The following PEX3 variants were observed in gnomAD, a reference collection of about 807,000 sequenced individuals.
The protein encoded by PEX3 is peroxin-3.
PEX3 carries 30 observed loss-of-function variants against 55.8 expected under a neutral mutation model. That is an observed-to-expected ratio of 0.54 (90% CI 0.40 to 0.73). The LOEUF is 0.73. Among genes scored for constraint, PEX3 ranks in the 30% least tolerant of loss-of-function variants. PEX3 has a pLI of 0.00. For synonymous variants in PEX3, 135 were observed against 148.4 expected, an observed-to-expected ratio of 0.91 and a Z score of 0.66; for missense variants, 351 against 432.8, an observed-to-expected ratio of 0.81 and a Z score of 1.68.
At position 143,485,114 on chromosome 6, in the gene PEX3, C is replaced by T; in HGVS notation, c.942-38C>T. The T allele has an allele frequency of 9.5e-7, 1 of 1,057,402 alleles. No individual in the cohort carries two copies. The highest frequency in any genetic ancestry group is 1.5e-6 in the Non-Finnish European group (1 of 672,110). 65.5% of individuals were successfully genotyped at this position (1,057,402 alleles called of 1,614,324 possible). On this transcript the variant is annotated intron_variant, in intron 10 of 11. Coordinates refer to ENST00000367591, the MANE Select transcript of PEX3 (RefSeq NM_003630.3). This position sits in a 1 kb window ranked among gnomAD's most constrained non-coding sequence, Gnocchi z 5.6. Reference sequence around the variant, plus strand: ...TTAAGATGTTAAAGTCCTGTGGGGTCATTTCAGAAAATAATCATTACTGTA... The same window carrying T: ...TTAAGATGTTAAAGTCCTGTGGGGTTATTTCAGAAAATAATCATTACTGTA...
rs1780343088 is a variant in PEX3, at chr6:143,488,063, C to T, written c.1039-1080C>T. The stretch of plus-strand genomic sequence containing the variant: ...AAATTCTGGTTTGAGAAACATTGAT[C>T]TAAACCTATGTTTCATTGAACACCT... On this transcript the variant is annotated intron_variant, in intron 11 of 11. Transcript: ENST00000367591. The surrounding 1 kb of genome is among the most constrained non-coding windows in gnomAD (Gnocchi z 4.9). 6.6e-6 allele frequency among the ~76,000 whole-genome samples: 1 copy of T among 152,080 alleles called. No individual in the cohort carries two copies. Among genetic ancestry groups the T allele is most frequent in the South Asian group, 2.1e-4 (1 of 4,828 alleles).
At chr6:143,480,760 C>T (rs1780223821) in intron 10 of PEX3, among the ~76,000 whole-genome samples, 1 of 152,156 alleles carries the variant, frequency 6.6e-6, no homozygotes, top group African/African-American at 2.4e-5. Flanking sequence ...CCTGTAATCC[C>T]AGCACCTTGG....
rs1780307861 is a variant in PEX3, at chr6:143,485,581, A to G, written c.1038+333A>G. 6.6e-6 allele frequency among the ~76,000 whole-genome samples: 1 copy of G among 152,142 alleles called. No individual in the cohort carries two copies. The highest frequency in any genetic ancestry group is 6.6e-5 in the Admixed American group (1 of 15,248). On this transcript the variant is annotated intron_variant, in intron 11 of 11. Transcript: ENST00000367591. This position sits in a 1 kb window ranked among gnomAD's most constrained non-coding sequence, Gnocchi z 5.6. ...GAAGATTGATCCTTGGGGCAGATCA[A>G]GGATCCTGTTCTACACATTTTGAGG...
rs997088575 is a variant in PEX3, at chr6:143,454,241, C to T, written c.73+3126C>T. Among the ~76,000 whole-genome samples, 6 of 152,218 alleles carry T rather than the reference C, an allele frequency of 3.9e-5. 1 individual carries two copies. In the East Asian group the frequency reaches 5.8e-4, roughly 15 times the overall value. On this transcript the variant is annotated intron_variant, in intron 1 of 11. Transcript: ENST00000367591. This position sits in a 1 kb window ranked among gnomAD's most constrained non-coding sequence, Gnocchi z 4.3. ...AACCTCTCAATTACTCCACTGTATA[C>T]GCATGAGAGAATGAGAATGAAAAAG...
At chr6:143,456,710 G>T (rs1013791815) in intron 1 of PEX3, among the ~76,000 whole-genome samples, 1 of 152,106 alleles carries the variant, frequency 6.6e-6, no homozygotes, top group Non-Finnish European at 1.5e-5. Flanking sequence ...CCACCCTAAT[G>T]ACCTCATTTT....
rs1360591220 is a variant in PEX3 at position 143,454,443 on chromosome 6, C to T, written c.73+3328C>T. On this transcript the variant is annotated intron_variant, in intron 1 of 11. Transcript: ENST00000367591. This position sits in a 1 kb window ranked among gnomAD's most constrained non-coding sequence, Gnocchi z 4.3. ...TTATTGACTTACTGGTTTCTGAAAA[C>T]CTCAGAACATTGACTTGGATTTATA... is the stretch of plus-strand genomic sequence containing the variant. 1.3e-5 allele frequency among the ~76,000 whole-genome samples: 2 copies of T among 152,186 alleles called. No individual in the cohort carries two copies. The highest frequency in any genetic ancestry group is 3.8e-4 in the East Asian group (2 of 5,202).
In PEX3 at chr6:143,459,583, C is replaced by T. The variant is rs976203753; in HGVS notation, c.205+367C>T. 3.3e-5 allele frequency among the ~76,000 whole-genome samples: 5 copies of T among 152,108 alleles called. No individual in the cohort carries two copies. The highest frequency in any genetic ancestry group is 7.4e-5 in the Non-Finnish European group (5 of 68,018). On this transcript the variant is annotated intron_variant, in intron 2 of 11. Coordinates refer to ENST00000367591, the MANE Select transcript of PEX3 (RefSeq NM_003630.3). This position sits in a 1 kb window ranked among gnomAD's most constrained non-coding sequence, Gnocchi z 4.2. ...ACATAAAGCCATGTGAGGGCTGGAACGTTCTTTAAGACAGGGGATCAGTAG... is the reference window on the plus strand; with the variant it reads ...ACATAAAGCCATGTGAGGGCTGGAATGTTCTTTAAGACAGGGGATCAGTAG...
chr6:143,475,678 G>A lies in PEX3; in HGVS notation c.818+822G>A, dbSNP rs896245935. On this transcript the variant is annotated intron_variant, in intron 9 of 11. Transcript: ENST00000367591. The surrounding 1 kb of genome is among the most constrained non-coding windows in gnomAD (Gnocchi z 4.4). Reference sequence around the variant, plus strand: ...CAAACAAACAAAACAAAACAAAAAAGGCCATCAGTGTTTCCCAGGTATTTG... The same window carrying A: ...CAAACAAACAAAACAAAACAAAAAAAGCCATCAGTGTTTCCCAGGTATTTG... 6.6e-6 allele frequency among the ~76,000 whole-genome samples: 1 copy of A among 152,134 alleles called. No individual in the cohort carries two copies.
chr6:143,471,308 A>C lies in PEX3; in HGVS notation c.457-75A>C. On this transcript the variant is annotated intron_variant, in intron 5 of 11. Coordinates refer to ENST00000367591, the MANE Select transcript of PEX3 (RefSeq NM_003630.3). This position sits in a 1 kb window ranked among gnomAD's most constrained non-coding sequence, Gnocchi z 5.4. The stretch of plus-strand genomic sequence containing the variant: ...TTTCAGATCTTGAAAAATCTCAGCC[A>C]AAGTTTTATTGAAAACATTTCTTAT... 8.0e-7 allele frequency: 1 copy of C among 1,256,432 alleles called. No individual in the cohort carries two copies. Among genetic ancestry groups the C allele is most frequent in the Non-Finnish European group, 1.2e-6 (1 of 862,624 alleles). The allele number at this position is 1,256,432 out of a possible 1,614,324, so 77.8% of individuals were successfully genotyped here. A position where few individuals can be genotyped will look rare whatever the true frequency, so the allele number is the denominator to read the frequency against.
Position 143,453,086 on chromosome 6 carries a change from A to G in PEX3, c.73+1971A>G, listed in dbSNP as rs1302444742. On this transcript the variant is annotated intron_variant, in intron 1 of 11. Transcript: ENST00000367591. This position sits in a 1 kb window ranked among gnomAD's most constrained non-coding sequence, Gnocchi z 4.6. ...AATTCAAACCCAGGTGTGTTGGACC[A>G]CAAAGCACATTCTATTTCCATATTA... Among the ~76,000 whole-genome samples the G allele has an allele frequency of 6.6e-6, 1 of 152,210 alleles. No individual in the cohort carries two copies. Among genetic ancestry groups the G allele is most frequent in the Non-Finnish European group, 1.5e-5 (1 of 68,036 alleles).
Position 143,463,566 on chromosome 6 carries a change from A to C in PEX3, c.287+569A>C, listed in dbSNP as rs9390094. ...CATGTAGCATGTGTTGGGGTATTGT[A>C]ATTTGGTATGATACTGTATTAGTTT... On this transcript the variant is annotated intron_variant, in intron 3 of 11. Coordinates refer to ENST00000367591, the MANE Select transcript of PEX3 (RefSeq NM_003630.3). The surrounding 1 kb of genome is among the most constrained non-coding windows in gnomAD (Gnocchi z 5.7). Among the ~76,000 whole-genome samples the C allele has an allele frequency of 0.2, 29,858 of 152,002 alleles. 3,132 individuals are homozygous for C. The highest frequency in any genetic ancestry group is 0.22 in the Non-Finnish European group (14,945 of 67,938).
At chr6:143,452,336 G>A (rs1274959190) in intron 1 of PEX3, among the ~76,000 whole-genome samples, 7 of 152,072 alleles carry the variant, frequency 4.6e-5, no homozygotes, top group Non-Finnish European at 7.4e-5. Context: ...ATCTTCAGTC[G>A]CTAGTATCTA....
At position 143,463,512 on chromosome 6, in the gene PEX3, C is replaced by T. The variant is rs1178686725; in HGVS notation, c.287+515C>T. On this transcript the variant is annotated intron_variant, in intron 3 of 11. Transcript: ENST00000367591. This position sits in a 1 kb window ranked among gnomAD's most constrained non-coding sequence, Gnocchi z 5.7. ...CATGGCAGTTTGCTGTTTCCAAAAG[C>T]ACTTTCACATATGTAACCTTGTATA... Among the ~76,000 whole-genome samples, 1 of 151,830 alleles carries T rather than the reference C, an allele frequency of 6.6e-6. No homozygotes were observed. The highest frequency in any genetic ancestry group is 1.5e-5 in the Non-Finnish European group (1 of 68,012).
chr6:143,471,592 G>A lies in PEX3; in HGVS notation c.559G>A (p.Val187Met). The A allele has an allele frequency of 1.2e-6, 2 of 1,612,450 alleles. No homozygotes were observed. Among genetic ancestry groups the A allele is most frequent in the Non-Finnish European group, 1.7e-6 (2 of 1,178,828 alleles). Residue 187 changes from valine to methionine, a missense_variant, in exon 7 of 12, where the codon GTG (valine) becomes ATG (methionine). Physicochemically the swap from Val to Met is conservative, Grantham distance 21 (BLOSUM62 1). Transcript: ENST00000367591. The surrounding 1 kb of genome is among the most constrained non-coding windows in gnomAD (Gnocchi z 5.4). The stretch of plus-strand genomic sequence containing the variant: ...ATTGATCACTGTCATTAAACAAGCT[G>A]TGCAGAAGGTTTTAGGAAGGTAAGG... ...TELITVIKQA[V>M]QKVLGSVSLK...
At chr6:143,484,653 G>A (rs1232085460) in intron 10 of PEX3, among the ~76,000 whole-genome samples, 1 of 152,050 alleles carries the variant, frequency 6.6e-6, no homozygotes, top group East Asian at 1.9e-4. Context: ...GTTGGATGTT[G>A]AAAGAAGGCA....
intron 8 of PEX3, among the ~76,000 whole-genome samples, chr6:143,473,796 C>T (rs530076306): frequency 9.9e-5 from 15 of 152,016 alleles, no homozygotes; most frequent in African/African-American, 3.4e-4. Context: ...TTTTTAAGCT[C>T]AGCAGTTCGA....
chr6:143,456,197 G>C (rs1779843159), intron 1 of PEX3, among the ~76,000 whole-genome samples: 1 of 152,148 alleles, frequency 6.6e-6, no homozygotes, highest in African/African-American at 2.4e-5. Flanking sequence ...GAGGGAGGAA[G>C]GGACTTTCTC....
Position 143,465,302 on chromosome 6 carries a change from A to G in PEX3, c.287+2305A>G, listed in dbSNP as rs1441245316. ...GAGTTTTTTAAAAAAAAATAGCATC[A>G]GTATTTAAAAATCTACTTTTAAGGT... is the stretch of plus-strand genomic sequence containing the variant. On this transcript the variant is annotated intron_variant, in intron 3 of 11. Transcript: ENST00000367591. The surrounding 1 kb of genome is among the most constrained non-coding windows in gnomAD (Gnocchi z 4.7). Among the ~76,000 whole-genome samples the G allele has an allele frequency of 1.3e-5, 2 of 152,036 alleles. No homozygotes were observed. Among genetic ancestry groups the G allele is most frequent in the African/African-American group, 2.4e-5 (1 of 41,450 alleles).
At chr6:143,477,268 C>CT (rs1780166234) in intron 9 of PEX3, among the ~76,000 whole-genome samples, 1 of 152,136 alleles carries the variant, frequency 6.6e-6, no homozygotes, top group African/African-American at 2.4e-5. Context: ...GAGATTTTGA[C>CT]TTTAACACTT....
Sources: allele counts gnomAD v4.1 joint callset (sites outside exome capture counted in the v4.1 genomes callset), GRCh38; gene constraint gnomAD v4.1.1; non-coding constraint Gnocchi (gnomAD v3.1); transcripts MANE v1.5; gene names NCBI Gene and HGNC (gene_info 2026-07-23, HGNC 2026-07-21).